The following RASGEF1C variants were observed in gnomAD, a reference collection of about 807,000 sequenced individuals.
RASGEF1C encodes the protein RasGEF domain family member 1C, also known as ras-GEF domain-containing family member 1C.
RASGEF1C carries 27 observed loss-of-function variants against 58.1 expected under a neutral mutation model. That is an observed-to-expected ratio of 0.46 (90% CI 0.34 to 0.64). The LOEUF (loss-of-function observed/expected upper bound fraction) is 0.64, where lower values mean the gene tolerates loss of function less well. RASGEF1C is among the 30% of genes least tolerant of loss of function. RASGEF1C has a pLI of 0.01. For synonymous variants in RASGEF1C, 243 were observed against 246.3 expected (o/e 0.99, Z 0.13); for missense variants, 502 against 605.1 (o/e 0.83, Z 1.79).
chr5:180,207,929 T>C (rs1174579734), intron 1 of RASGEF1C, among the ~76,000 whole-genome samples: 3 of 152,210 alleles, frequency 2.0e-5, no homozygotes, highest in Non-Finnish European at 2.9e-5. Context: ...CCAGCACGCA[T>C]AAGATCTTGG....
At chr5:180,127,714 A>G (rs749245320) in intron 5 of RASGEF1C, 31 bp from the exon 6 acceptor site, 75 of 1,602,188 alleles carry the variant, frequency 4.7e-5, no homozygotes, top group Non-Finnish European at 6.1e-5. Context: ...TGGGTAAAAG[A>G]GGGAAGGTAT....
At chr5:180,205,605 G>A (rs531935532) in intron 1 of RASGEF1C, among the ~76,000 whole-genome samples, 21 of 152,278 alleles carry the variant, frequency 1.4e-4, no homozygotes, top group African/African-American at 4.1e-4. Context: ...AGTAAAAAGC[G>A]ATGGAAGGAA....
chr5:180,135,040 T>C (rs1766446049), intron 4 of RASGEF1C, among the ~76,000 whole-genome samples: 1 of 64,266 alleles, frequency 1.6e-5, no homozygotes, highest in South Asian at 5.9e-4. Context: ...GTTTCCGCTG[T>C]CCCCACCCCC....
chr5:180,113,658 CGGAGGGACCGGGGATGGAT>C (rs1766011215), intron 11 of RASGEF1C, among the ~76,000 whole-genome samples: 5 of 70,612 alleles, frequency 7.1e-5, no homozygotes, highest in Non-Finnish European at 1.1e-4. Flanking sequence ...CGGGGATGGA[CGGAGGGACCGGGGATGGAT>C]GGAGGGATCG....
intron 12 of RASGEF1C, among the ~76,000 whole-genome samples, chr5:180,103,126 G>T (rs1372342396): frequency 6.6e-6 from 1 of 152,158 alleles, no homozygotes; most frequent in African/African-American, 2.4e-5. Context: ...CGCCCAGGCT[G>T]GAGTGCAGTG....
rs998267900 is a variant in RASGEF1C at position 180,156,932 on chromosome 5, T to C, written c.-6-18874A>G. 6.6e-6 allele frequency among the ~76,000 whole-genome samples: 1 copy of C among 152,180 alleles called. No individual in the cohort carries two copies. Among genetic ancestry groups the C allele is most frequent in the African/African-American group, 2.4e-5 (1 of 41,438 alleles). On this transcript the variant is annotated intron_variant, in intron 1 of 13. Coordinates refer to ENST00000361132, the MANE Select transcript of RASGEF1C (RefSeq NM_175062.4). This position sits in a 1 kb window ranked among gnomAD's most constrained non-coding sequence, Gnocchi z 4.9. ...GCATTTACAAAGGTGCTTCACATCATATGTCATCAGGGAAATGCAAATTAG... is the reference window on the plus strand; with the variant it reads ...GCATTTACAAAGGTGCTTCACATCACATGTCATCAGGGAAATGCAAATTAG...
intron 1 of RASGEF1C, among the ~76,000 whole-genome samples, chr5:180,169,246 C>T (rs1325932168): frequency 2.0e-5 from 3 of 152,100 alleles, no homozygotes; most frequent in Admixed American, 6.6e-5. Context: ...TTTTAACAAA[C>T]GAGCTGATTT....
Position 180,156,072 on chromosome 5 carries a change from A to G in RASGEF1C, c.-6-18014T>C, listed in dbSNP as rs1766843815. Among the ~76,000 whole-genome samples, 1 of 152,050 alleles carries G rather than the reference A, an allele frequency of 6.6e-6. No homozygotes were observed. Among genetic ancestry groups the G allele is most frequent in the Non-Finnish European group, 1.5e-5 (1 of 68,014 alleles). ...CGTTACCAGTACCTTAAAATCCCTA[A>G]TGCATCTTCCTCAACCGGTCCCACT... On this transcript the variant is annotated intron_variant, in intron 1 of 13. Coordinates refer to ENST00000361132, the MANE Select transcript of RASGEF1C (RefSeq NM_175062.4). This position sits in a 1 kb window ranked among gnomAD's most constrained non-coding sequence, Gnocchi z 4.9.
At chr5:180,104,644 T>C (rs967528590) in intron 12 of RASGEF1C, among the ~76,000 whole-genome samples, 7 of 152,178 alleles carry the variant, frequency 4.6e-5, no homozygotes, top group Middle Eastern at 3.2e-3. Flanking sequence ...TGGAAGAGAT[T>C]GTGGAGAATT....
At position 180,114,438 on chromosome 5, in the gene RASGEF1C, G is replaced by A. The variant is rs773054766; in HGVS notation, c.1179+8C>T. On this transcript the variant is annotated splice_region_variant and intron_variant, in intron 11 of 13. Transcript: ENST00000361132. ...CTACCTCAGTGGCGGTCCACACGGA[G>A]GTCCTACCTCAAAGTTGACGTGTCC... 6.2e-7 allele frequency: 1 copy of A among 1,611,486 alleles called. No individual in the cohort carries two copies. Among genetic ancestry groups the A allele is most frequent in the Non-Finnish European group, 8.5e-7 (1 of 1,178,446 alleles).
At chr5:180,152,676 C>T in intron 1 of RASGEF1C, among the ~76,000 whole-genome samples, 1 of 150,564 alleles carries the variant, frequency 6.6e-6, no homozygotes, top group Non-Finnish European at 1.5e-5. Flanking sequence ...AACAAACCTG[C>T]ACGTTATGCA....
At chr5:180,141,529 C>T (rs541577835) in intron 1 of RASGEF1C, among the ~76,000 whole-genome samples, 4 of 152,220 alleles carry the variant, frequency 2.6e-5, no homozygotes, top group South Asian at 4.1e-4. Flanking sequence ...CAGAGGCAGA[C>T]GGTGGGACGG....
At chr5:180,204,412 C>T (rs1365295955) in intron 1 of RASGEF1C, among the ~76,000 whole-genome samples, 1 of 152,164 alleles carries the variant, frequency 6.6e-6, no homozygotes, top group African/African-American at 2.4e-5. Flanking sequence ...GCAAAGATGG[C>T]CTAGTGTTAA....
chr5:180,137,521 G>A lies in RASGEF1C; in HGVS notation c.300+69C>T. 6.4e-7 allele frequency: 1 copy of A among 1,563,548 alleles called. No individual in the cohort carries two copies. On this transcript the variant is annotated intron_variant, in intron 3 of 13. Transcript: ENST00000361132. This position sits in a 1 kb window ranked among gnomAD's most constrained non-coding sequence, Gnocchi z 4.1. The stretch of plus-strand genomic sequence containing the variant: ...ACAATCATTGCCTCCCCGAGAGGCT[G>A]ATGCGTTGAGGGCATGGCAGGGCAG...
At position 180,137,799 on chromosome 5, in the gene RASGEF1C, G is replaced by C; in HGVS notation, c.177+77C>G. 1 of 1,603,090 alleles carries C rather than the reference G, an allele frequency of 6.2e-7. No homozygotes were observed. The highest frequency in any genetic ancestry group is 8.5e-7 in the Non-Finnish European group (1 of 1,174,958). On this transcript the variant is annotated intron_variant, in intron 2 of 13. Transcript: ENST00000361132. The surrounding 1 kb of genome is among the most constrained non-coding windows in gnomAD (Gnocchi z 4.1). Reference sequence around the variant, plus strand: ...CAGCTGGCCCTGTACCCTGGCCCAAGGTCACGCCCAACCCTGATGCCCCCC... The same window carrying C: ...CAGCTGGCCCTGTACCCTGGCCCAACGTCACGCCCAACCCTGATGCCCCCC...
intron 1 of RASGEF1C, among the ~76,000 whole-genome samples, chr5:180,163,254 C>CTTTTTTTTTT (rs1187829324): frequency 0.084 from 5,922 of 70,496 alleles, 1,400 homozygotes; most frequent in East Asian, 0.13. Context: ...TTTTTTTTTC[C>CTTTTTTTTTT]AGCCTATTGC....
At chr5:180,201,084 C>G (rs907872668) in intron 1 of RASGEF1C, among the ~76,000 whole-genome samples, 1 of 152,054 alleles carries the variant, frequency 6.6e-6, no homozygotes, top group Admixed American at 6.5e-5. Context: ...GGTGACAGAG[C>G]GAGACCTTGT....
At position 180,114,020 on chromosome 5, in the gene RASGEF1C, T is replaced by C. The variant is rs6869321; in HGVS notation, c.1179+426A>G. ...GTGAGTGTCTACAGAGGGAGCAGAA[T>C]TCTTTCTTTTCTGTTCACTCTGGCC... On this transcript the variant is annotated intron_variant, in intron 11 of 13. Coordinates refer to ENST00000361132, the MANE Select transcript of RASGEF1C (RefSeq NM_175062.4). Among the ~76,000 whole-genome samples the C allele has an allele frequency of 3.7e-3, 559 of 152,182 alleles. 5 individuals carry two copies. The highest frequency in any genetic ancestry group is 0.013 in the African/African-American group (536 of 41,498).
rs576502390 is a variant in RASGEF1C, at chr5:180,137,489, A to T, written c.300+101T>A. 3 of 1,491,510 alleles carry T rather than the reference A, an allele frequency of 2.0e-6. No individual in the cohort carries two copies. The highest frequency in any genetic ancestry group is 2.7e-6 in the Non-Finnish European group (3 of 1,103,886). 92.4% of individuals were successfully genotyped at this position (1,491,510 alleles called of 1,614,324 possible). The stretch of plus-strand genomic sequence containing the variant: ...CACCCGGTAGCCACCTTGTCAGGAA[A>T]ACGGGGACAATCATTGCCTCCCCGA... On this transcript the variant is annotated intron_variant, in intron 3 of 13. Coordinates refer to ENST00000361132, the MANE Select transcript of RASGEF1C (RefSeq NM_175062.4). The surrounding 1 kb of genome is among the most constrained non-coding windows in gnomAD (Gnocchi z 4.1).
Sources: gnomAD v4.1 joint callset for allele counts (sites outside exome capture counted in the v4.1 genomes callset) on GRCh38, gnomAD v4.1.1 for gene constraint, Gnocchi (gnomAD v3.1) non-coding constraint, MANE v1.5 for transcripts, NCBI Gene and HGNC (gene_info 2026-07-23, HGNC 2026-07-21) for gene names.